Variants in SLC9A6 observed in about 807,000 individuals in gnomAD.
SLC9A6 encodes solute carrier family 9 member A6, also known as sodium/hydrogen exchanger 6.
In SLC9A6, 6 loss-of-function variants were observed where a neutral mutation model predicts 45.3. The observed-to-expected ratio is 0.13, with a 90% CI of 0.07 to 0.26. The LOEUF (loss-of-function observed/expected upper bound fraction) is 0.26. Ranked by LOEUF, SLC9A6 falls within the 10% of genes least tolerant of loss-of-function variation. The pLI is 1.00. For synonymous variants in SLC9A6, 191 were observed against 187.7 expected (o/e 1.02, Z -0.14); for missense variants, 278 against 503.7 (o/e 0.55, Z 4.29).
intron 7 of SLC9A6, among the ~76,000 whole-genome samples, chrX:136,008,974 A>C (rs192365956): frequency 1.8e-5 from 2 of 112,272 alleles, no homozygotes; most frequent in African/African-American, 6.5e-5. Flanking sequence ...ATTTACATGA[A>C]CTAATCCAGG....
In SLC9A6 at chrX:136,028,573, A is replaced by G. The variant is rs1260788810; in HGVS notation, c.1461-313A>G. Among the ~76,000 whole-genome samples, 16 of 112,771 alleles carry G rather than the reference A, an allele frequency of 1.4e-4. No individual in the cohort carries two copies. In the Admixed American group the frequency reaches 1.5e-3, roughly 11 times the overall value. ...CAAGTGTGCTATCTTCAAGACCACTAGATGTCACTGGAGATGCATAAATGT... is the reference window on the plus strand; with the variant it reads ...CAAGTGTGCTATCTTCAAGACCACTGGATGTCACTGGAGATGCATAAATGT... On this transcript the variant is annotated intron_variant, in intron 13 of 17. Transcript: ENST00000630721.
At chrX:136,032,317 C>G (rs2071340580) in intron 15 of SLC9A6, among the ~76,000 whole-genome samples, 1 of 112,289 alleles carries the variant, frequency 8.9e-6, no homozygotes, top group South Asian at 3.7e-4. Flanking sequence ...AGTGATATAC[C>G]CGCCTTGGCT....
At chrX:136,027,705 G>C (rs1208348544) in intron 13 of SLC9A6, among the ~76,000 whole-genome samples, 5 of 112,274 alleles carry the variant, frequency 4.5e-5, no homozygotes, top group African/African-American at 1.6e-4. Context: ...TGGCCTGTAG[G>C]CTGTACTTTG....
At chrX:136,003,319 A>T (rs1254238113) in intron 7 of SLC9A6, among the ~76,000 whole-genome samples, 1 of 112,262 alleles carries the variant, frequency 8.9e-6, no homozygotes, top group Non-Finnish European at 1.9e-5. Context: ...TCTCTTACCT[A>T]TCTTAGTATT....
intron 7 of SLC9A6, among the ~76,000 whole-genome samples, chrX:136,005,280 C>T (rs1029974148): frequency 8.9e-6 from 1 of 112,533 alleles, no homozygotes; most frequent in South Asian, 3.6e-4. Flanking sequence ...TAATCTATTT[C>T]CTGCAACATT....
At chrX:135,997,532 T>C (rs2089522550) in intron 3 of SLC9A6, among the ~76,000 whole-genome samples, 1 of 104,576 alleles carries the variant, frequency 9.6e-6, no homozygotes, top group East Asian at 3.1e-4. Flanking sequence ...CTCAGCCTCC[T>C]GAGTAGCTGG....
intron 12 of SLC9A6, among the ~76,000 whole-genome samples, chrX:136,024,015 T>C (rs1030783276): frequency 9.0e-6 from 1 of 110,518 alleles, no homozygotes; most frequent in Non-Finnish European, 1.9e-5. Context: ...GCCTCCCAAG[T>C]AGCTGGGATT....
intron 12 of SLC9A6, among the ~76,000 whole-genome samples, chrX:136,023,169 A>ATG (rs2071163543): frequency 0.042 from 94 of 2,241 alleles, 2 homozygotes; most frequent in Non-Finnish European, 0.08. Flanking sequence ...AAATGTATAT[A>ATG]TATATATATA....
At chrX:136,029,273 G>A (rs781808800) in intron 14 of SLC9A6, among the ~76,000 whole-genome samples, 39 of 110,687 alleles carry the variant, frequency 3.5e-4, no homozygotes, top group Non-Finnish European at 7.0e-4. Flanking sequence ...GTTGGAGTGG[G>A]GTGGGGATGC....
chrX:136,028,081 T>C (rs897528396), intron 13 of SLC9A6, among the ~76,000 whole-genome samples: 1 of 112,462 alleles, frequency 8.9e-6, no homozygotes, highest in Non-Finnish European at 1.9e-5. Context: ...TCGGAACCAC[T>C]CTTATGTTGG....
chrX:136,011,945 C>T (rs1427123167), intron 8 of SLC9A6, among the ~76,000 whole-genome samples: 1 of 111,473 alleles, frequency 9.0e-6, no homozygotes, highest in Non-Finnish European at 1.9e-5. Context: ...AAAAAATTAG[C>T]CGGGCATGGT....
intron 1 of SLC9A6, chrX:135,974,812 G>A: frequency 3.2e-6 from 1 of 310,622 alleles, no homozygotes; most frequent in South Asian, 3.0e-5. Flanking sequence ...CGCAAAAAGA[G>A]GTGTAGCGCG....
chrX:136,030,233 C>A, intron 15 of SLC9A6, 71 bp downstream of exon 15: 1 of 986,044 alleles, frequency 1.0e-6, no homozygotes, highest in East Asian at 3.1e-5. Flanking sequence ...AAACAATCTA[C>A]TATAAACTTC....
At chrX:135,985,010 T>A (rs2089309106), upstream of SLC9A6, 1 of 110,488 alleles carries the variant, frequency 9.1e-6, no homozygotes, top group African/African-American at 3.4e-5. Flanking sequence ...TTTTTTTTTT[T>A]CTTTCCCGAT....
chrX:136,012,794 TAA>T (rs1556618816), intron 8 of SLC9A6, among the ~76,000 whole-genome samples, 153 bp from the exon 9 acceptor site: 1 of 112,863 alleles, frequency 8.9e-6, no homozygotes. Context: ...ATGCTCATTT[TAA>T]AAGTCTCCCT....
chrX:136,030,297 A>G (rs1407033164), intron 15 of SLC9A6, 135 bp downstream of exon 15: 1 of 665,606 alleles, frequency 1.5e-6, no homozygotes, highest in East Asian at 3.4e-5. Context: ...GAATGATATC[A>G]TTCCTGGCTT....
At chrX:135,973,842 G>T (rs1461212073), upstream of SLC9A6, 3 of 1,161,834 alleles carry the variant, frequency 2.6e-6, no homozygotes, top group Admixed American at 7.8e-5. Flanking sequence ...AACGGAAACA[G>T]GAATGCCGGG....
chrX:136,007,965 C>G (rs1337801072), intron 7 of SLC9A6, among the ~76,000 whole-genome samples: 1 of 110,715 alleles, frequency 9.0e-6, no homozygotes, highest in Non-Finnish European at 1.9e-5. Context: ...ATCATATTTC[C>G]CTCCAAAAGT....
intron 2 of SLC9A6, among the ~76,000 whole-genome samples, chrX:135,986,825 T>C (rs1377998241): frequency 1.8e-5 from 2 of 111,242 alleles, no homozygotes; most frequent in African/African-American, 3.3e-5. Context: ...TTGCCGACTG[T>C]ATTAATCTGT....
Sources: gnomAD v4.1 joint callset for allele counts (sites outside exome capture counted in the v4.1 genomes callset) on GRCh38, gnomAD v4.1.1 for gene constraint, MANE v1.5 for transcripts, NCBI Gene and HGNC (gene_info 2026-07-23, HGNC 2026-07-21) for gene names.